RBM38: variants seen among roughly 807,000 people sequenced by gnomAD.
The protein encoded by RBM38 is RNA-binding protein 38.
A neutral mutation model predicts 23.5 loss-of-function variants in RBM38; 11 were observed. The ratio of observed to expected loss-of-function variants is 0.47; its 90% CI spans 0.29 to 0.77. The LOEUF (loss-of-function observed/expected upper bound fraction) is 0.77. RBM38 is among the 30% of genes least tolerant of loss of function. The pLI, the probability that RBM38 is intolerant of heterozygous loss-of-function variation, is 0.08. For synonymous variants in RBM38, 165 were observed against 166.1 expected, an observed-to-expected ratio of 0.99 and a Z score of 0.05; for missense variants, 330 against 351.9, an observed-to-expected ratio of 0.94 and a Z score of 0.50.
rs148029192 is a variant in RBM38, at chr20:57,392,946, C to G, written c.361+169C>G. Reference sequence around the variant, plus strand: ...ATCCCCCCCTCGAGGATCTAGACCCCTTCTCACAGCGTGTGGCCCAAAGAA... The same window carrying G: ...ATCCCCCCCTCGAGGATCTAGACCCGTTCTCACAGCGTGTGGCCCAAAGAA... On this transcript the variant is annotated intron_variant, in intron 2 of 3. Coordinates refer to ENST00000356208, the MANE Select transcript of RBM38 (RefSeq NM_017495.6). 344 of 914,812 alleles carry G rather than the reference C, an allele frequency of 3.8e-4. 2 individuals carry two copies. The highest frequency in any genetic ancestry group is 1.6e-3 in the Middle Eastern group (6 of 3,830). 56.7% of individuals were successfully genotyped at this position (914,812 alleles called of 1,614,324 possible). A position where few individuals can be genotyped will look rare whatever the true frequency, so the allele number is the denominator to read the frequency against.
chr20:57,395,389 C>T (rs1275998910), intron 3 of RBM38, among the ~76,000 whole-genome samples: 4 of 152,150 alleles, frequency 2.6e-5, no homozygotes, highest in African/African-American at 7.2e-5. Context: ...GTCCTGTGAA[C>T]ACCACCCATC....
In RBM38 at chr20:57,393,331, C is replaced by T. The variant is rs2067240588; in HGVS notation, c.414C>T (p.Tyr138=). ...QLHPTLIQRT[Y]GLTPHYIYPP... ...ACCCCACCTTGATCCAGCGGACTTA[C>T]GGGTGAGTGGACATGGCTGGCTTGG... The change falls in exon 3 of 4, where the codon TAC becomes TAT. Residue 138 remains tyrosine (Y), a splice_region_variant and synonymous_variant. Coordinates refer to ENST00000356208, the MANE Select transcript of RBM38 (RefSeq NM_017495.6). 5 of 1,613,746 alleles carry T rather than the reference C, an allele frequency of 3.1e-6. No individual in the cohort carries two copies. The highest frequency in any genetic ancestry group is 4.2e-6 in the Non-Finnish European group (5 of 1,179,758).
At chr20:57,405,408 G>A (rs1233984501) in intron 3 of RBM38, among the ~76,000 whole-genome samples, 1 of 152,244 alleles carries the variant, frequency 6.6e-6, no homozygotes, top group African/African-American at 2.4e-5. Flanking sequence ...GGACAGCAGA[G>A]GCTTCTAACC....
chr20:57,402,765 C>T (rs1175559708), intron 3 of RBM38, among the ~76,000 whole-genome samples: 1 of 152,262 alleles, frequency 6.6e-6, no homozygotes, highest in Non-Finnish European at 1.5e-5. Context: ...GGTTTGGCTG[C>T]ATTTTTCTTT....
intron 3 of RBM38, among the ~76,000 whole-genome samples, chr20:57,402,253 CA>C (rs1280589288): frequency 6.6e-6 from 1 of 152,206 alleles, no homozygotes; most frequent in Non-Finnish European, 1.5e-5. Context: ...AAGACAGCTC[CA>C]ACTGCTGCTG....
intron 3 of RBM38, among the ~76,000 whole-genome samples, chr20:57,404,857 G>A (rs1184331237): frequency 6.6e-6 from 1 of 152,258 alleles, no homozygotes; most frequent in Non-Finnish European, 1.5e-5. Context: ...AGGCCCAGGT[G>A]GGGAGGATGC....
At chr20:57,397,500 G>C (rs1461034247) in intron 3 of RBM38, among the ~76,000 whole-genome samples, 3 of 152,248 alleles carry the variant, frequency 2.0e-5, no homozygotes, top group Non-Finnish European at 4.4e-5. Context: ...TATAGTTTCA[G>C]GGACCCCTAC....
chr20:57,398,610 C>T (rs555757517), intron 3 of RBM38, among the ~76,000 whole-genome samples: 299 of 152,392 alleles, frequency 2.0e-3, no homozygotes, highest in Non-Finnish European at 2.3e-3. Flanking sequence ...TGGGCTGCAC[C>T]GTGGCCCTCC....
intron 2 of RBM38, 84 bp downstream of exon 2, chr20:57,392,861 T>C (rs1440472972): frequency 2.6e-6 from 4 of 1,537,192 alleles, no homozygotes; most frequent in African/African-American, 1.4e-5. Context: ...AGGCCCCCCC[T>C]CCTCGCCCCA....
At chr20:57,398,688 G>T (rs1303629623) in intron 3 of RBM38, among the ~76,000 whole-genome samples, 1 of 152,252 alleles carries the variant, frequency 6.6e-6, no homozygotes, top group African/African-American at 2.4e-5. Context: ...CCTTTGGGTG[G>T]CGGGGGCTCT....
At chr20:57,394,836 G>A (rs2067258252) in intron 3 of RBM38, among the ~76,000 whole-genome samples, 2 of 152,198 alleles carry the variant, frequency 1.3e-5, no homozygotes, top group African/African-American at 4.8e-5. Context: ...GCTGCCCAGA[G>A]GTGAGGGTGT....
Position 57,403,721 on chromosome 20 carries a change from A to G in RBM38, c.417-3822A>G, listed in dbSNP as rs545384893. 3.9e-5 allele frequency among the ~76,000 whole-genome samples: 6 copies of G among 152,174 alleles called. No homozygotes were observed. In the South Asian group the frequency reaches 1.2e-3, roughly 32 times the overall value. ...ACCACAACCTCCACCTTCTGGTTTC[A>G]AGCGATTCTCCTGCCTCAGCCTCCC... On this transcript the variant is annotated intron_variant, in intron 3 of 3. Transcript: ENST00000356208.
At chr20:57,392,424 AT>A in intron 1 of RBM38, 1 of 1,528,482 alleles carries the variant, frequency 6.5e-7, no homozygotes, top group Non-Finnish European at 8.8e-7. Context: ...TGAAGGCCAC[AT>A]TTCCCAGGCC....
At chr20:57,402,560 T>C (rs1455106021) in intron 3 of RBM38, among the ~76,000 whole-genome samples, 1 of 152,116 alleles carries the variant, frequency 6.6e-6, no homozygotes, top group Non-Finnish European at 1.5e-5. Flanking sequence ...ACACACTTGG[T>C]GGGTGGGGCG....
At chr20:57,393,399 T>C (rs1013306792) in intron 3 of RBM38, 66 bp downstream of exon 3, 12 of 1,512,192 alleles carry the variant, frequency 7.9e-6, no homozygotes, top group Non-Finnish European at 1.1e-5. Flanking sequence ...GCCTTGGGCT[T>C]CCTGGGTCTG....
At chr20:57,396,621 A>G (rs1290113040) in intron 3 of RBM38, among the ~76,000 whole-genome samples, 1 of 152,196 alleles carries the variant, frequency 6.6e-6, no homozygotes, top group Non-Finnish European at 1.5e-5. Context: ...TCCCGTTCAC[A>G]GAGTGCCTCA....
chr20:57,399,223 A>G (rs2067304109), intron 3 of RBM38, among the ~76,000 whole-genome samples: 1 of 152,202 alleles, frequency 6.6e-6, no homozygotes, highest in African/African-American at 2.4e-5. Context: ...AGGCACTGCT[A>G]CATTCCTCCA....
At chr20:57,403,058 C>T (rs1363481668) in intron 3 of RBM38, among the ~76,000 whole-genome samples, 9 of 152,202 alleles carry the variant, frequency 5.9e-5, no homozygotes, top group African/African-American at 1.7e-4. Context: ...CCCCTGGCCT[C>T]GACCCCTAAT....
At chr20:57,393,664 G>A (rs998731814) in intron 3 of RBM38, among the ~76,000 whole-genome samples, 4 of 152,338 alleles carry the variant, frequency 2.6e-5, no homozygotes, top group Admixed American at 2.0e-4. Context: ...GGTGGGCCTG[G>A]TGCAGGTAAC....
Sources: allele counts gnomAD v4.1 joint callset (sites outside exome capture counted in the v4.1 genomes callset), GRCh38; gene constraint gnomAD v4.1.1; transcripts MANE v1.5; gene names NCBI Gene and HGNC (gene_info 2026-07-23, HGNC 2026-07-21).